GALNT18: variants seen among roughly 807,000 people sequenced by gnomAD.
The protein encoded by GALNT18 is GalNAc-transferase 18.
A neutral mutation model predicts 69.5 loss-of-function variants in GALNT18; 44 were observed. The observed-to-expected ratio is 0.63, with a 90% CI of 0.50 to 0.81. The LOEUF (loss-of-function observed/expected upper bound fraction) is 0.81. GALNT18 is among the 40% of genes least tolerant of loss of function. The probability of loss-of-function intolerance (pLI) is 0.00; values close to 1 mark genes in which losing one functional copy is unlikely to be tolerated. For missense variants in GALNT18, 715 were observed against 810.0 expected (o/e 0.88, Z 1.42); for synonymous variants, 364 against 318.2 (o/e 1.14, Z -1.53).
rs145247398 is a variant in GALNT18 at position 11,435,579 on chromosome 11, G to T, written c.429-2792C>A. Among the ~76,000 whole-genome samples, 302 of 152,300 alleles carry T rather than the reference G, an allele frequency of 2.0e-3. 2 individuals carry two copies. Among genetic ancestry groups the T allele is most frequent in the Non-Finnish European group, 3.1e-3 (208 of 68,032 alleles). ...TCTCTACTAGAATGAAGCCCCCTGA[G>T]AGCAGGAACTTTGCTTTTGGACTGT... On this transcript the variant is annotated intron_variant, in intron 2 of 10. Transcript: ENST00000227756. This position sits in a 1 kb window ranked among gnomAD's most constrained non-coding sequence, Gnocchi z 4.4.
Position 11,318,323 on chromosome 11 carries a change from A to T in GALNT18, c.1512+8763T>A, listed in dbSNP as rs921722067. Among the ~76,000 whole-genome samples, 2 of 152,212 alleles carry T rather than the reference A, an allele frequency of 1.3e-5. No individual in the cohort carries two copies. Among genetic ancestry groups the T allele is most frequent in the African/African-American group, 4.8e-5 (2 of 41,458 alleles). ...TCATTGCAGATATAATTAAATTTGC[A>T]TGAGGTCACACAGAAGTAGAATGGA... On this transcript the variant is annotated intron_variant, in intron 9 of 10. Transcript: ENST00000227756. The surrounding 1 kb of genome is among the most constrained non-coding windows in gnomAD (Gnocchi z 5.1).
Position 11,372,506 on chromosome 11 carries a change from C to T in GALNT18, c.1092+9G>A, listed in dbSNP as rs963440896. ...GAGCCGAGCAGTTTGAGTGAGAAAC[C>T]CCACTCACCCTGATCCCAAGCTCCA... On this transcript the variant is annotated intron_variant, in intron 6 of 10. Coordinates refer to ENST00000227756, the MANE Select transcript of GALNT18 (RefSeq NM_198516.3). This position sits in a 1 kb window ranked among gnomAD's most constrained non-coding sequence, Gnocchi z 4.9. The T allele has an allele frequency of 1.2e-6, 2 of 1,610,938 alleles. No homozygotes were observed. The highest frequency in any genetic ancestry group is 1.7e-6 in the Non-Finnish European group (2 of 1,177,098).
At chr11:11,352,165 T>A (rs552097240) in intron 6 of GALNT18, 11 of 1,613,460 alleles carry the variant, frequency 6.8e-6, no homozygotes, top group Non-Finnish European at 8.5e-6. Flanking sequence ...GGGTGCTCCA[T>A]GGCCTCTCTT....
At chr11:11,565,653 A>G (rs2133989295) in intron 1 of GALNT18, among the ~76,000 whole-genome samples, 1 of 152,334 alleles carries the variant, frequency 6.6e-6, no homozygotes, top group African/African-American at 2.4e-5. Flanking sequence ...ACCTTATATT[A>G]GGCACCAAGG....
In GALNT18 at chr11:11,573,418, G is replaced by T; in HGVS notation, c.235+47941C>A. The stretch of plus-strand genomic sequence containing the variant: ...AGTATCAGCCAAGCCAAGGAGAAAA[G>T]CCACAATTAACTGAGCACTTACTTG... On this transcript the variant is annotated intron_variant, in intron 1 of 10. Transcript: ENST00000227756. The surrounding 1 kb of genome is among the most constrained non-coding windows in gnomAD (Gnocchi z 4.6). The T allele has an allele frequency of 6.6e-6, 1 of 152,352 alleles. No homozygotes were observed. 9.4% of individuals were successfully genotyped at this position (152,352 alleles called of 1,614,324 possible). A position where few individuals can be genotyped will look rare whatever the true frequency, so the allele number is the denominator to read the frequency against.
intron 9 of GALNT18, among the ~76,000 whole-genome samples, chr11:11,303,604 C>G (rs966777082): frequency 2.6e-5 from 4 of 152,026 alleles, no homozygotes; most frequent in African/African-American, 9.7e-5. Context: ...CTAGCGCAAC[C>G]TCAGTCAGCA....
rs1214806191 is a variant in GALNT18 at position 11,596,000 on chromosome 11, A to C, written c.235+25359T>G. Reference sequence around the variant, plus strand: ...CAAAGATTTAGGTTTGTCTTCTTCTAAGAGTTCTATGATTTTATCTCTTAT... The same window carrying C: ...CAAAGATTTAGGTTTGTCTTCTTCTCAGAGTTCTATGATTTTATCTCTTAT... On this transcript the variant is annotated intron_variant, in intron 1 of 10. Coordinates refer to ENST00000227756, the MANE Select transcript of GALNT18 (RefSeq NM_198516.3). This position sits in a 1 kb window ranked among gnomAD's most constrained non-coding sequence, Gnocchi z 5.2. Among the ~76,000 whole-genome samples, 1 of 152,116 alleles carries C rather than the reference A, an allele frequency of 6.6e-6. No homozygotes were observed. The highest frequency in any genetic ancestry group is 1.5e-5 in the Non-Finnish European group (1 of 68,014).
Position 11,511,384 on chromosome 11 carries a change from G to A in GALNT18, c.236-62448C>T, listed in dbSNP as rs1052929318. ...TACAGCTCAAGGTTGCTGTGTCCCC[G>A]CAGCCAAGGCTGAAGCATGACCTAG... On this transcript the variant is annotated intron_variant, in intron 1 of 10. Coordinates refer to ENST00000227756, the MANE Select transcript of GALNT18 (RefSeq NM_198516.3). The surrounding 1 kb of genome is among the most constrained non-coding windows in gnomAD (Gnocchi z 4.9). 1.2e-4 allele frequency among the ~76,000 whole-genome samples: 18 copies of A among 152,114 alleles called. No homozygotes were observed. The highest frequency in any genetic ancestry group is 3.3e-4 in the Admixed American group (5 of 15,270).
At chr11:11,534,032 C>T (rs1857717507) in intron 1 of GALNT18, among the ~76,000 whole-genome samples, 1 of 152,222 alleles carries the variant, frequency 6.6e-6, no homozygotes, top group Non-Finnish European at 1.5e-5. Context: ...GCAGCCTCAT[C>T]ACACCCCATG....
Position 11,415,685 on chromosome 11 carries a change from A to G in GALNT18, c.595+16936T>C, listed in dbSNP as rs1042587221. ...AGTGGGCATAAAAACCCTAAAACAT[A>G]GAACAGAAAAGACAGAATCTATCTC... On this transcript the variant is annotated intron_variant, in intron 3 of 10. Transcript: ENST00000227756. This position sits in a 1 kb window ranked among gnomAD's most constrained non-coding sequence, Gnocchi z 4.1. Among the ~76,000 whole-genome samples, 1 of 152,184 alleles carries G rather than the reference A, an allele frequency of 6.6e-6. No homozygotes were observed. Among genetic ancestry groups the G allele is most frequent in the Non-Finnish European group, 1.5e-5 (1 of 68,028 alleles).
chr11:11,472,794 G>A (rs908053562), intron 1 of GALNT18, among the ~76,000 whole-genome samples: 5 of 151,930 alleles, frequency 3.3e-5, no homozygotes, highest in Non-Finnish European at 7.4e-5. Context: ...TCCTCATTTT[G>A]TATACAAGGA....
intron 1 of GALNT18, among the ~76,000 whole-genome samples, chr11:11,493,607 T>C (rs1316947819): frequency 6.6e-6 from 1 of 152,202 alleles, no homozygotes; most frequent in Non-Finnish European, 1.5e-5. Flanking sequence ...AAGTGATTGT[T>C]GATTACAAAA....
At chr11:11,384,391 T>C (rs117219952) in intron 3 of GALNT18, among the ~76,000 whole-genome samples, 1 of 152,288 alleles carries the variant, frequency 6.6e-6, no homozygotes, top group Non-Finnish European at 1.5e-5. Flanking sequence ...ATTTGGTGTC[T>C]GGTGAGGGCC....
intron 1 of GALNT18, among the ~76,000 whole-genome samples, chr11:11,544,684 G>A (rs1858007683): frequency 6.6e-6 from 1 of 152,188 alleles, no homozygotes; most frequent in South Asian, 2.1e-4. Flanking sequence ...GCATGCATTA[G>A]GTATTTGTCC....
At chr11:11,610,221 C>T (rs928882282) in intron 1 of GALNT18, among the ~76,000 whole-genome samples, 1 of 152,246 alleles carries the variant, frequency 6.6e-6, no homozygotes, top group Non-Finnish European at 1.5e-5. Context: ...AGCCTATTTT[C>T]TCTTGATCAA....
At chr11:11,567,496 G>A (rs1285155357) in intron 1 of GALNT18, among the ~76,000 whole-genome samples, 1 of 152,144 alleles carries the variant, frequency 6.6e-6, no homozygotes, top group Non-Finnish European at 1.5e-5. Flanking sequence ...CAAGTGGTGA[G>A]GGGAGGGTAG....
intron 1 of GALNT18, among the ~76,000 whole-genome samples, chr11:11,576,193 C>T (rs1018791058): frequency 4.6e-5 from 7 of 152,216 alleles, no homozygotes; most frequent in Non-Finnish European, 7.3e-5. Context: ...GAGTCCTGCT[C>T]CTGCACCAAC....
At chr11:11,399,915 C>A (rs1854422072) in intron 3 of GALNT18, among the ~76,000 whole-genome samples, 1 of 152,182 alleles carries the variant, frequency 6.6e-6, no homozygotes, top group Non-Finnish European at 1.5e-5. Flanking sequence ...CATGCATTAT[C>A]CAATTTAATG....
intron 6 of GALNT18, chr11:11,351,799 T>C (rs1850410926): frequency 1.3e-6 from 1 of 747,594 alleles, no homozygotes; most frequent in African/African-American, 1.8e-5. Flanking sequence ...TTTTTTTTTA[T>C]GACTGAACTA....
Sources: allele counts gnomAD v4.1 joint callset (sites outside exome capture counted in the v4.1 genomes callset), GRCh38; gene constraint gnomAD v4.1.1; non-coding constraint Gnocchi (gnomAD v3.1); transcripts MANE v1.5; gene names NCBI Gene and HGNC (gene_info 2026-07-23, HGNC 2026-07-21).